DHRSX: variants seen among roughly 807,000 people sequenced by gnomAD.
DHRSX encodes the protein dehydrogenase/reductase X-linked.
A neutral mutation model predicts 34.0 loss-of-function variants in DHRSX; 31 were observed. The ratio of observed to expected loss-of-function variants is 0.91; its 90% confidence interval spans 0.69 to 1.23. DHRSX has a LOEUF of 1.23. DHRSX is among the 50% of genes most tolerant of loss of function. The probability of loss-of-function intolerance (pLI) is 0.00; values close to 1 mark genes in which losing one functional copy is unlikely to be tolerated. For missense variants in DHRSX, 414 were observed against 428.1 expected (o/e 0.97, Z 0.29); for synonymous variants, 201 against 183.8 (o/e 1.09, Z -0.76).
At chrX:2,455,186 T>TA (rs1569503136) in intron 1 of DHRSX, among the ~76,000 whole-genome samples, 1 of 151,612 alleles carries the variant, frequency 6.6e-6, no homozygotes, top group Admixed American at 6.6e-5. Context: ...TTAGCAAACT[T>TA]ACACAGCAAC....
At chrX:2,251,523 C>T (rs1047750728) in intron 5 of DHRSX, among the ~76,000 whole-genome samples, 14 of 152,242 alleles carry the variant, frequency 9.2e-5, no homozygotes, top group African/African-American at 3.4e-4. Context: ...GGGACAAATA[C>T]AGAATGTGAG....
At chrX:2,232,390 G>A (rs1433506588) in intron 6 of DHRSX, among the ~76,000 whole-genome samples, 1 of 151,984 alleles carries the variant, frequency 6.6e-6, no homozygotes, top group African/African-American at 2.4e-5. Flanking sequence ...GCATTCATAT[G>A]GAATTACCGA....
At chrX:2,298,599 T>TGC (rs2041963638) in intron 3 of DHRSX, among the ~76,000 whole-genome samples, 1 of 58,230 alleles carries the variant, frequency 1.7e-5, no homozygotes, top group Non-Finnish European at 2.8e-5. Context: ...CAGGCGCGTG[T>TGC]GTACACACAC....
chrX:2,381,999 C>A (rs2043209428), intron 3 of DHRSX, among the ~76,000 whole-genome samples: 1 of 152,040 alleles, frequency 6.6e-6, no homozygotes, highest in African/African-American at 2.4e-5. Context: ...GTATGGGGGG[C>A]CATGGCTTGC....
chrX:2,425,723 G>C (rs2043837369), intron 1 of DHRSX, among the ~76,000 whole-genome samples: 1 of 152,190 alleles, frequency 6.6e-6, no homozygotes, highest in Non-Finnish European at 1.5e-5. Flanking sequence ...TGTAGGTATG[G>C]TGGGGCCAAC....
intron 3 of DHRSX, among the ~76,000 whole-genome samples, chrX:2,345,489 A>AAAAAT (rs2124566919): frequency 6.6e-6 from 1 of 152,022 alleles, no homozygotes; most frequent in East Asian, 1.9e-4. Context: ...CCAAAAAAAT[A>AAAAAT]AAAATAAATT....
At chrX:2,324,359 G>C (rs1410678888) in intron 3 of DHRSX, among the ~76,000 whole-genome samples, 1 of 152,146 alleles carries the variant, frequency 6.6e-6, no homozygotes, top group Non-Finnish European at 1.5e-5. Flanking sequence ...CTCTCTCTCA[G>C]CCTTTGGCTT....
At chrX:2,304,123 A>ATGG (rs2042062639) in intron 3 of DHRSX, among the ~76,000 whole-genome samples, 1 of 22,480 alleles carries the variant, frequency 4.4e-5, no homozygotes, top group Non-Finnish European at 1.3e-4. Flanking sequence ...ATGGATGGAT[A>ATGG]AATGGATGGA....
chrX:2,263,769 C>T (rs2041398567), intron 5 of DHRSX, among the ~76,000 whole-genome samples: 1 of 152,228 alleles, frequency 6.6e-6, no homozygotes, highest in East Asian at 1.9e-4. Context: ...CCTCAGCCTC[C>T]CAAAGTGCTG....
chrX:2,260,594 G>A (rs34511134), intron 5 of DHRSX, among the ~76,000 whole-genome samples: 22,074 of 151,810 alleles, frequency 0.15, 3,299 homozygotes, highest in East Asian at 0.7. Flanking sequence ...CGAGTACCTG[G>A]GATTACAGAC....
intron 2 of DHRSX, among the ~76,000 whole-genome samples, chrX:2,411,113 TAAAAAAATTC>T (rs1268134850): frequency 6.6e-6 from 1 of 152,052 alleles, no homozygotes; most frequent in Admixed American, 6.6e-5. Context: ...AAAGAAAGGA[TAAAAAAATTC>T]AAAGTCAAGG....
chrX:2,262,988 C>T (rs1164749604), intron 5 of DHRSX, among the ~76,000 whole-genome samples: 11 of 152,370 alleles, frequency 7.2e-5, no homozygotes, highest in Non-Finnish European at 1.0e-4. Context: ...GGCCTGTGCC[C>T]CTGGGCTCAC....
chrX:2,442,147 T>A (rs941945260), intron 1 of DHRSX, among the ~76,000 whole-genome samples: 14 of 152,156 alleles, frequency 9.2e-5, no homozygotes, highest in Non-Finnish European at 1.9e-4. Context: ...TACAGTAAAG[T>A]AAGCTAGAGA....
chrX:2,400,255 A>AC (rs1221069307), intron 3 of DHRSX, among the ~76,000 whole-genome samples: 2 of 152,154 alleles, frequency 1.3e-5, no homozygotes, highest in African/African-American at 4.8e-5. Flanking sequence ...AAAAATGGAT[A>AC]CCCAGGGGTG....
At chrX:2,346,131 C>G (rs1361523275) in intron 3 of DHRSX, among the ~76,000 whole-genome samples, 1 of 152,064 alleles carries the variant, frequency 6.6e-6, no homozygotes, top group Non-Finnish European at 1.5e-5. Flanking sequence ...AATTTCTACT[C>G]ACTCTCTAAA....
chrX:2,478,751 G>A (rs1324936283), intron 1 of DHRSX, among the ~76,000 whole-genome samples: 2 of 151,500 alleles, frequency 1.3e-5, no homozygotes, highest in Non-Finnish European at 2.9e-5. Context: ...CCAAGCGTGC[G>A]GCCAAGGGAC....
chrX:2,239,370 G>C (rs2016087299), intron 6 of DHRSX, among the ~76,000 whole-genome samples: 1 of 145,346 alleles, frequency 6.9e-6, no homozygotes, highest in Non-Finnish European at 1.5e-5. Flanking sequence ...CAGCGCACAA[G>C]ACCAACCTGG....
At chrX:2,459,563 T>TACACACAC (rs2044371367) in intron 1 of DHRSX, among the ~76,000 whole-genome samples, 1 of 147,658 alleles carries the variant, frequency 6.8e-6, no homozygotes, top group Non-Finnish European at 1.5e-5. Context: ...TATATATATA[T>TACACACAC]ATATATATAT....
At chrX:2,271,577 T>TA (rs2041555313) in intron 4 of DHRSX, among the ~76,000 whole-genome samples, 2 of 152,138 alleles carry the variant, frequency 1.3e-5, no homozygotes, top group Admixed American at 1.3e-4. Context: ...CTTATGCCTG[T>TA]AAAACATCAG....
Sources: allele counts gnomAD v4.1 joint callset (sites outside exome capture counted in the v4.1 genomes callset), GRCh38; gene constraint gnomAD v4.1.1; transcripts MANE v1.5; gene names NCBI Gene and HGNC (gene_info 2026-07-23, HGNC 2026-07-21).